TP63: variants seen among roughly 807,000 people sequenced by gnomAD.
TP63 encodes tumor protein p63, also known as tumor protein 63.
TP63 carries 17 observed loss-of-function variants against 82.8 expected under a neutral mutation model. The observed-to-expected ratio is 0.21, with a 90% CI of 0.14 to 0.31. TP63 has a LOEUF of 0.31. TP63 is among the 10% of genes least tolerant of loss of function. TP63 has a pLI of 1.00. For missense variants in TP63, 648 were observed against 895.3 expected, an observed-to-expected ratio of 0.72 and a Z score of 3.52; for synonymous variants, 330 against 321.7, an observed-to-expected ratio of 1.03 and a Z score of -0.28.
At chr3:189,813,657 C>G (rs1239912758) in intron 4 of TP63, among the ~76,000 whole-genome samples, 1 of 151,964 alleles carries the variant, frequency 6.6e-6, no homozygotes, top group Non-Finnish European at 1.5e-5. Flanking sequence ...GGACCCTACC[C>G]TTGGGACATA....
At chr3:189,774,635 A>C (rs1723639340) in intron 3 of TP63, among the ~76,000 whole-genome samples, 1 of 152,202 alleles carries the variant, frequency 6.6e-6, no homozygotes, top group Non-Finnish European at 1.5e-5. Flanking sequence ...AACTCATTTG[A>C]CAACCCTTAC....
Position 189,716,724 on chromosome 3 carries a change from T to C in TP63, c.63-21016T>C, listed in dbSNP as rs569076848. On this transcript the variant is annotated intron_variant, in intron 1 of 13. Coordinates refer to ENST00000264731, the MANE Select transcript of TP63 (RefSeq NM_003722.5). ...TCCCCTTTGGCACTAGTCTATCTTA[T>C]CTGAAATTTTTTCAGTTCATCTACT... Among the ~76,000 whole-genome samples, 29 of 152,286 alleles carry C rather than the reference T, an allele frequency of 1.9e-4. No homozygotes were observed. In the South Asian group the frequency reaches 4.1e-3, roughly 22 times the overall value.
chr3:189,875,615 T>TAC (rs1553859723), intron 10 of TP63, among the ~76,000 whole-genome samples: 1,192 of 110,378 alleles, frequency 0.011, 74 homozygotes, highest in African/African-American at 0.044. Flanking sequence ...TATATATATA[T>TAC]ATATATATAT....
intron 1 of TP63, among the ~76,000 whole-genome samples, chr3:189,698,482 G>A (rs1305281429): frequency 6.6e-6 from 1 of 151,968 alleles, no homozygotes; most frequent in Non-Finnish European, 1.5e-5. Context: ...TCTCGAAGGG[G>A]GAATAGAGAA....
At chr3:189,853,743 G>A (rs1195195075) in intron 4 of TP63, among the ~76,000 whole-genome samples, 2 of 152,040 alleles carry the variant, frequency 1.3e-5, no homozygotes, top group African/African-American at 4.8e-5. Flanking sequence ...AGCATTTTTA[G>A]GGCATAGACT....
intron 10 of TP63, among the ~76,000 whole-genome samples, chr3:189,875,619 T>TAC (rs1481397109): frequency 4.8e-5 from 5 of 103,318 alleles, no homozygotes; most frequent in African/African-American, 1.9e-4. Context: ...TATATATATA[T>TAC]ATATATATAT....
chr3:189,699,864 C>A (rs1373508432), intron 1 of TP63, among the ~76,000 whole-genome samples: 1 of 152,088 alleles, frequency 6.6e-6, no homozygotes, highest in Non-Finnish European at 1.5e-5. Context: ...GTTAATGAAG[C>A]TTGAGTTATG....
chr3:189,893,455 C>T (rs1439941376), intron 13 of TP63, among the ~76,000 whole-genome samples: 5 of 152,196 alleles, frequency 3.3e-5, no homozygotes, highest in African/African-American at 4.8e-5. Context: ...GAAGAGCTAA[C>T]GCAGATAAAT....
rs541963202 is a variant in TP63 at position 189,679,004 on chromosome 3, C to G, written c.62+47427C>G. 5.9e-5 allele frequency among the ~76,000 whole-genome samples: 9 copies of G among 152,048 alleles called. No individual in the cohort carries two copies. The East Asian group carries it at 1.4e-3, about 23-fold the overall frequency. On this transcript the variant is annotated intron_variant, in intron 1 of 13. Coordinates refer to ENST00000264731, the MANE Select transcript of TP63 (RefSeq NM_003722.5). The stretch of plus-strand genomic sequence containing the variant: ...CCCCAAATTTACTGAAGTTACTTAT[C>G]AAATCTAGGAGTCTTTTCTTAATTC...
At chr3:189,889,272 A>G (rs1720769911) in intron 11 of TP63, 68 bp from the exon 12 acceptor site, 1 of 1,612,208 alleles carries the variant, frequency 6.2e-7, no homozygotes, top group African/African-American at 1.3e-5. Flanking sequence ...ACCAGACAAG[A>G]TGGACCACTG....
chr3:189,619,479 G>A, the TP63 span, among the ~76,000 whole-genome samples: 51 of 152,246 alleles, frequency 3.3e-4, no homozygotes, highest in African/African-American at 1.2e-3. Context: ...AGAGCTCTCT[G>A]ACTCTAACTA....
chr3:189,865,044 C>A (rs917468354), intron 5 of TP63, among the ~76,000 whole-genome samples: 1 of 151,888 alleles, frequency 6.6e-6, no homozygotes, highest in African/African-American at 2.4e-5. Flanking sequence ...TAAGAGGGTG[C>A]CAGGAGACTA....
intron 4 of TP63, among the ~76,000 whole-genome samples, chr3:189,841,529 A>G (rs1714116883): frequency 1.3e-5 from 2 of 152,242 alleles, no homozygotes. Flanking sequence ...TTACTGGAAC[A>G]GAGGACTCAC....
chr3:189,835,661 C>CGTGA (rs1233369950), intron 4 of TP63, among the ~76,000 whole-genome samples: 1 of 151,768 alleles, frequency 6.6e-6, no homozygotes, highest in African/African-American at 2.4e-5. Flanking sequence ...CAGTGGCTCA[C>CGTGA]ACCTGTAATC....
At chr3:189,684,286 T>C (rs1716228386) in intron 1 of TP63, among the ~76,000 whole-genome samples, 1 of 152,204 alleles carries the variant, frequency 6.6e-6, no homozygotes, top group Non-Finnish European at 1.5e-5. Context: ...CTTTAAAACC[T>C]AACATCCTAT....
chr3:189,881,011 TA>T (rs1719851995), intron 10 of TP63: 3 of 985,404 alleles, frequency 3.0e-6, no homozygotes, highest in Middle Eastern at 5.2e-4. Flanking sequence ...ACCCCAGTAA[TA>T]TTGCCCTTAC....
chr3:189,800,080 A>T (rs1726124763), intron 3 of TP63, among the ~76,000 whole-genome samples: 1 of 152,178 alleles, frequency 6.6e-6, no homozygotes, highest in African/African-American at 2.4e-5. Context: ...GGAAAGTGCT[A>T]TGAAAATGTG....
intron 4 of TP63, among the ~76,000 whole-genome samples, chr3:189,812,498 A>G (rs1727682468): frequency 6.6e-6 from 1 of 152,234 alleles, no homozygotes; most frequent in Non-Finnish European, 1.5e-5. Context: ...GTAGTTGGGA[A>G]TCGTTAATCA....
At chr3:189,892,515 G>A (rs111897657) in intron 13 of TP63, among the ~76,000 whole-genome samples, 6 of 152,282 alleles carry the variant, frequency 3.9e-5, no homozygotes, top group East Asian at 1.9e-4. Flanking sequence ...TATTTAGGCC[G>A]GGCATGGTGG....
Sources: gnomAD v4.1 joint callset for allele counts (sites outside exome capture counted in the v4.1 genomes callset) on GRCh38, gnomAD v4.1.1 for gene constraint, MANE v1.5 for transcripts, NCBI Gene and HGNC (gene_info 2026-07-23, HGNC 2026-07-21) for gene names.